EPS15: variants seen among roughly 807,000 people sequenced by gnomAD.
The protein encoded by EPS15 is epidermal growth factor receptor pathway substrate 15.
In EPS15, 72 loss-of-function variants were observed where a neutral mutation model predicts 113.8. That is an observed-to-expected ratio of 0.63 (90% confidence interval 0.52 to 0.77). EPS15 has a LOEUF of 0.77. EPS15 is among the 30% of genes least tolerant of loss of function. The probability of loss-of-function intolerance (pLI) is 0.00; values close to 1 mark genes in which losing one functional copy is unlikely to be tolerated. For synonymous variants in EPS15, 344 were observed against 363.4 expected (o/e 0.95, Z 0.61); for missense variants, 1,048 against 1,045.8 (o/e 1.00, Z -0.03).
At chr1:51,505,793 T>TA (rs1256030080) in intron 1 of EPS15, among the ~76,000 whole-genome samples, 1 of 152,062 alleles carries the variant, frequency 6.6e-6, no homozygotes, top group African/African-American at 2.4e-5. Context: ...TATTTTATTT[T>TA]TATTTATTTA....
At chr1:51,436,037 G>C (rs1185176200) in intron 12 of EPS15, among the ~76,000 whole-genome samples, 3 of 152,200 alleles carry the variant, frequency 2.0e-5, no homozygotes, top group South Asian at 2.1e-4. Context: ...ACTGGAGAAA[G>C]GGAACAAAGC....
At chr1:51,421,929 C>T (rs766304246) in intron 12 of EPS15, 71 bp from the exon 13 acceptor site, 55 of 1,592,950 alleles carry the variant, frequency 3.5e-5, no homozygotes, top group Non-Finnish European at 4.7e-5. Context: ...ATCCATCCTC[C>T]TAATCCTGAA....
At chr1:51,483,398 A>AGTGTGT (rs58892404) in intron 1 of EPS15, among the ~76,000 whole-genome samples, 7,719 of 141,640 alleles carry the variant, frequency 0.054, 214 homozygotes, top group Middle Eastern at 0.059. Context: ...CAAGACTGCA[A>AGTGTGT]GTGTGTGTGT....
chr1:51,390,616 C>T (rs1259315952), intron 21 of EPS15, among the ~76,000 whole-genome samples: 5 of 150,086 alleles, frequency 3.3e-5, no homozygotes, highest in Non-Finnish European at 7.4e-5. Flanking sequence ...AACAAATTTA[C>T]AAGAAAAAAA....
chr1:51,417,618 T>C (rs1406388372), intron 13 of EPS15, among the ~76,000 whole-genome samples: 4 of 152,234 alleles, frequency 2.6e-5, no homozygotes, highest in Non-Finnish European at 4.4e-5. Flanking sequence ...TGGATACGTA[T>C]TCCTTCCTCT....
intron 2 of EPS15, among the ~76,000 whole-genome samples, chr1:51,480,158 CAA>C (rs1010245659): frequency 1.2e-4 from 18 of 152,082 alleles, no homozygotes; most frequent in African/African-American, 4.1e-4. Context: ...AAGTCAAAAC[CAA>C]AGAGGCCTAT....
chr1:51,506,115 G>A (rs893528454), intron 1 of EPS15, among the ~76,000 whole-genome samples: 1 of 152,132 alleles, frequency 6.6e-6, no homozygotes, highest in African/African-American at 2.4e-5. Context: ...TCAAACTCCT[G>A]ACCTCAGGTG....
chr1:51,447,485 T>C lies in EPS15; in HGVS notation c.652-380A>G, dbSNP rs527907049. Among the ~76,000 whole-genome samples the C allele has an allele frequency of 7.2e-5, 11 of 152,248 alleles. No individual in the cohort carries two copies. The East Asian group carries it at 7.7e-4, about 11-fold the overall frequency. ...TAGTTTGACCCAGCAGTGTTAACCA[T>C]AGCCAAACTGGCTGATTTGCATATC... On this transcript the variant is annotated intron_variant, in intron 9 of 24. Transcript: ENST00000371733.
chr1:51,400,953 C>T lies in EPS15; in HGVS notation c.1883G>A (p.Ser628Asn). 1.3e-6 allele frequency: 2 copies of T among 1,579,276 alleles called. No individual in the cohort carries two copies. The highest frequency in any genetic ancestry group is 1.7e-6 in the Non-Finnish European group (2 of 1,160,090). Residue 628 changes from serine to asparagine, a missense_variant and splice_region_variant, in exon 19 of 25, where the codon AGT becomes AAT. Transcript: ENST00000371733. ...DFFQSDPFVG[S>N]DPFKDDPFGK... Reference sequence around the variant, plus strand: ...AAAAGGATCATCCTTGAAAGGATCACCTGTGATAAAATAAACACAAAGAAA... The same window carrying T: ...AAAAGGATCATCCTTGAAAGGATCATCTGTGATAAAATAAACACAAAGAAA...
In EPS15 at chr1:51,403,072, T is replaced by A. The variant is rs181635952; in HGVS notation, c.1791+347A>T. 3.9e-4 allele frequency among the ~76,000 whole-genome samples: 59 copies of A among 152,300 alleles called. No individual in the cohort carries two copies. In the South Asian group the frequency reaches 0.01, roughly 26 times the overall value. ...GAAAACAGTGATAAGGACATTTTTT[T>A]AAAATATCATTTAATTTTTAGAGAT... On this transcript the variant is annotated intron_variant, in intron 17 of 24. Coordinates refer to ENST00000371733, the MANE Select transcript of EPS15 (RefSeq NM_001981.3).
In EPS15 at chr1:51,482,254, G is replaced by C. The variant is rs560342283; in HGVS notation, c.34-940C>G. Among the ~76,000 whole-genome samples the C allele has an allele frequency of 1.1e-3, 160 of 152,254 alleles. 1 individual carries two copies. The highest frequency in any genetic ancestry group is 3.7e-3 in the African/African-American group (155 of 41,542). ...TTCTGGGATCAGGATGGGAATCCAG[G>C]AAGGCTTCATGGGGTGACATCAGAG... On this transcript the variant is annotated intron_variant, in intron 1 of 24. Transcript: ENST00000371733.
At chr1:51,452,471 T>C (rs1653654671) in intron 8 of EPS15, among the ~76,000 whole-genome samples, 1 of 151,960 alleles carries the variant, frequency 6.6e-6, no homozygotes, top group Non-Finnish European at 1.5e-5. Flanking sequence ...TTTGCAGAGA[T>C]GGGGGTCTCA....
chr1:51,392,448 C>G (rs1296526565), intron 21 of EPS15, among the ~76,000 whole-genome samples: 1 of 152,122 alleles, frequency 6.6e-6, no homozygotes, highest in Admixed American at 6.5e-5. Context: ...ATCATTTATT[C>G]TACCACTTTA....
chr1:51,471,462 AAGAC>A (rs780020850), intron 4 of EPS15, among the ~76,000 whole-genome samples: 1 of 152,208 alleles, frequency 6.6e-6, no homozygotes, highest in Non-Finnish European at 1.5e-5. Flanking sequence ...GTCTCTCTGA[AAGAC>A]AGAAAAATAA....
At position 51,477,010 on chromosome 1, in the gene EPS15, A is replaced by C. The variant is rs145051144; in HGVS notation, c.76-4062T>G. ...GATTCCCTCTTTTTCTATTGATTGG[A>C]ATAGTTTCAGAAAGAATGGTACCAG... On this transcript the variant is annotated intron_variant, in intron 2 of 24. Transcript: ENST00000371733. Among the ~76,000 whole-genome samples the C allele has an allele frequency of 1.8e-3, 269 of 152,204 alleles. 3 individuals are homozygous for C. The East Asian group carries it at 0.047, about 26-fold the overall frequency.
chr1:51,389,348 C>A lies in EPS15; in HGVS notation c.2119+5033G>T, dbSNP rs549493100. On this transcript the variant is annotated intron_variant, in intron 21 of 24. Transcript: ENST00000371733. ...ATAATAAGAGCTATCTATGACAAAC[C>A]CACAGCCAATATCATACTGAATGGG... is the stretch of plus-strand genomic sequence containing the variant. 5.4e-3 allele frequency among the ~76,000 whole-genome samples: 828 copies of A among 152,254 alleles called. 5 individuals are homozygous for A. Among genetic ancestry groups the A allele is most frequent in the Middle Eastern group, 0.024 (7 of 294 alleles).
intron 8 of EPS15, among the ~76,000 whole-genome samples, chr1:51,453,638 C>T (rs1030282680): frequency 5.3e-5 from 8 of 151,862 alleles, no homozygotes; most frequent in African/African-American, 1.9e-4. Context: ...CTTTTTATTT[C>T]AAAGTAAAAG....
chr1:51,373,189 A>G (rs28494857), intron 21 of EPS15: 59 of 155,120 alleles, frequency 3.8e-4, no homozygotes, highest in Non-Finnish European at 7.7e-4. Flanking sequence ...TAAGGAAAAG[A>G]GTGATGTGAA....
chr1:51,415,580 T>C (rs1460694842), intron 13 of EPS15, among the ~76,000 whole-genome samples: 1 of 151,832 alleles, frequency 6.6e-6, no homozygotes, highest in Non-Finnish European at 1.5e-5. Context: ...GAAGATCACC[T>C]GAGGTCAGAA....
Sources: gnomAD v4.1 joint callset for allele counts (sites outside exome capture counted in the v4.1 genomes callset) on GRCh38, gnomAD v4.1.1 for gene constraint, MANE v1.5 for transcripts, NCBI Gene and HGNC (gene_info 2026-07-23, HGNC 2026-07-21) for gene names.